RASA2: variants seen among roughly 807,000 people sequenced by gnomAD.
RASA2 encodes ras GTPase-activating protein 2.
In RASA2, 155 loss-of-function variants were observed where a neutral mutation model predicts 118.2. The observed-to-expected ratio is 1.31, with a 90% CI of 1.15 to 1.50. The LOEUF (loss-of-function observed/expected upper bound fraction) is 1.50, where lower values mean the gene tolerates loss of function less well. Ranked by LOEUF, RASA2 falls within the 40% of genes most tolerant of loss-of-function variation. The pLI, the probability that RASA2 is intolerant of heterozygous loss-of-function variation, is 0.00. For synonymous variants in RASA2, 353 were observed against 349.1 expected (o/e 1.01, Z -0.12); for missense variants, 1,016 against 1,009.6 (o/e 1.01, Z -0.09).
At chr3:141,601,360 G>A (rs930934428) in intron 19 of RASA2, among the ~76,000 whole-genome samples, 5 of 152,010 alleles carry the variant, frequency 3.3e-5, no homozygotes, top group Non-Finnish European at 5.9e-5. Context: ...GCTTGAACTC[G>A]GGAGGCAGAA....
At chr3:141,594,398 C>T (rs562632239) in intron 19 of RASA2, among the ~76,000 whole-genome samples, 2 of 151,262 alleles carry the variant, frequency 1.3e-5, no homozygotes, top group East Asian at 1.9e-4. Flanking sequence ...CTAAAATTTC[C>T]CAAATTTGGT....
chr3:141,557,607 A>G (rs1049797808), intron 7 of RASA2, among the ~76,000 whole-genome samples: 2 of 152,172 alleles, frequency 1.3e-5, no homozygotes, highest in African/African-American at 4.8e-5. Flanking sequence ...CCTATAAGTT[A>G]TGAGTAAAAC....
In RASA2 at chr3:141,567,129, T is replaced by C. The variant is rs943346486; in HGVS notation, c.864-3783T>C. Among the ~76,000 whole-genome samples the C allele has an allele frequency of 3.3e-5, 5 of 151,970 alleles. No individual in the cohort carries two copies. In the East Asian group the frequency reaches 5.8e-4, roughly 18 times the overall value. ...GAAAACTATGAGTATAAATAAATAA[T>C]TCCAGGCCAGGCATGGTGGCTTACA... On this transcript the variant is annotated intron_variant, in intron 9 of 23. Transcript: ENST00000286364.
chr3:141,564,962 A>G (rs1273753411), intron 9 of RASA2, among the ~76,000 whole-genome samples: 2 of 151,992 alleles, frequency 1.3e-5, no homozygotes, highest in South Asian at 2.1e-4. Context: ...GCACTCAGTC[A>G]TTGCAATTCA....
chr3:141,532,514 T>G (rs2082273679), intron 4 of RASA2, among the ~76,000 whole-genome samples: 1 of 152,118 alleles, frequency 6.6e-6, no homozygotes, highest in Admixed American at 6.6e-5. Context: ...GCATCTTAAG[T>G]GGAGGCTAGA....
chr3:141,488,269 A>G (rs769194010), intron 1 of RASA2, among the ~76,000 whole-genome samples: 3 of 151,978 alleles, frequency 2.0e-5, no homozygotes, highest in Non-Finnish European at 2.9e-5. Flanking sequence ...AATTAGCATT[A>G]TTTTCTTCAT....
At chr3:141,540,638 T>G (rs905773324) in intron 5 of RASA2, 29 bp downstream of exon 5, 13 of 1,544,966 alleles carry the variant, frequency 8.4e-6, no homozygotes, top group Admixed American at 1.7e-5. Flanking sequence ...CAAAATCAAC[T>G]AGAAATAATT....
chr3:141,543,876 CTTTTTTT>C (rs529631210), intron 5 of RASA2, among the ~76,000 whole-genome samples: 13 of 117,314 alleles, frequency 1.1e-4, no homozygotes, highest in African/African-American at 2.9e-4. Context: ...TTTCTTTTTT[CTTTTTTT>C]TTTTTTTTTT....
intron 19 of RASA2, among the ~76,000 whole-genome samples, chr3:141,595,096 A>G (rs1040779514): frequency 2.0e-5 from 3 of 152,190 alleles, no homozygotes; most frequent in African/African-American, 7.2e-5. Context: ...TATAATATCT[A>G]GAACAAAAAT....
intron 19 of RASA2, among the ~76,000 whole-genome samples, chr3:141,589,696 C>T (rs2083258739): frequency 6.6e-6 from 1 of 151,996 alleles, no homozygotes; most frequent in South Asian, 2.1e-4. Context: ...CAAAAATTAG[C>T]CAGGCGTGGT....
chr3:141,582,077 A>T (rs145252673), intron 17 of RASA2, among the ~76,000 whole-genome samples: 1 of 152,232 alleles, frequency 6.6e-6, no homozygotes, highest in African/African-American at 2.4e-5. Flanking sequence ...CACAGTCTTA[A>T]CTTAATGAAT....
intron 1 of RASA2, among the ~76,000 whole-genome samples, chr3:141,503,091 A>G (rs1169003617): frequency 6.6e-6 from 1 of 152,218 alleles, no homozygotes; most frequent in South Asian, 2.1e-4. Flanking sequence ...TACCGATCAA[A>G]TGAAACATTT....
intron 5 of RASA2, among the ~76,000 whole-genome samples, chr3:141,546,255 GA>G (rs2151107362): frequency 6.6e-6 from 1 of 152,172 alleles, no homozygotes; most frequent in East Asian, 1.9e-4. Context: ...GTTTTTTGAG[GA>G]ACCTCCAAAC....
intron 1 of RASA2, among the ~76,000 whole-genome samples, chr3:141,489,164 T>C (rs2081611130): frequency 6.6e-6 from 1 of 152,268 alleles, no homozygotes; most frequent in African/African-American, 2.4e-5. Context: ...TCTGTTATCC[T>C]AGTCAGTTTC....
At chr3:141,571,299 A>G (rs111481737) in intron 10 of RASA2, 107 bp from the exon 11 acceptor site, 11 of 1,452,316 alleles carry the variant, frequency 7.6e-6, no homozygotes, top group South Asian at 2.7e-5. Flanking sequence ...AATGTCCTGT[A>G]TAACAGCTTT....
At chr3:141,575,621 G>T (rs74638552) in intron 14 of RASA2, among the ~76,000 whole-genome samples, 4 of 152,124 alleles carry the variant, frequency 2.6e-5, no homozygotes, top group Non-Finnish European at 5.9e-5. Context: ...GGTCTGTGGC[G>T]TGGCCAACAG....
chr3:141,577,972 C>T (rs1288226274), intron 15 of RASA2, among the ~76,000 whole-genome samples: 2 of 152,006 alleles, frequency 1.3e-5, no homozygotes, highest in Non-Finnish European at 2.9e-5. Context: ...TTGGTTGATT[C>T]TTTAAGCTTT....
intron 3 of RASA2, among the ~76,000 whole-genome samples, chr3:141,521,945 A>G (rs986879027): frequency 2.1e-5 from 3 of 143,856 alleles, no homozygotes; most frequent in African/African-American, 7.7e-5. Flanking sequence ...TTCTTAATTT[A>G]TAATTTGGAG....
intron 4 of RASA2, among the ~76,000 whole-genome samples, chr3:141,530,596 A>C (rs2082245982): frequency 6.6e-6 from 1 of 152,130 alleles, no homozygotes; most frequent in African/African-American, 2.4e-5. Flanking sequence ...CAGAAGTTTA[A>C]GACAAGAAAA....
Sources: allele counts gnomAD v4.1 joint callset (sites outside exome capture counted in the v4.1 genomes callset), GRCh38; gene constraint gnomAD v4.1.1; transcripts MANE v1.5; gene names NCBI Gene and HGNC (gene_info 2026-07-23, HGNC 2026-07-21).